The following PDGFB variants were observed in gnomAD, a reference collection of about 807,000 sequenced individuals.
PDGFB encodes the protein platelet derived growth factor subunit B.
Under a neutral mutation model 29.0 loss-of-function variants are expected in PDGFB, and 6 were observed. The observed-to-expected ratio is 0.21, with a 90% CI of 0.11 to 0.41. The LOEUF (loss-of-function observed/expected upper bound fraction) is 0.41, where lower values mean the gene tolerates loss of function less well. PDGFB is among the 10% of genes least tolerant of loss of function. PDGFB has a pLI of 1.00. For synonymous variants in PDGFB, 144 were observed against 140.8 expected (o/e 1.02, Z -0.16); for missense variants, 299 against 341.8 (o/e 0.87, Z 0.99).
chr22:39,235,232 G>T (rs1259507123), intron 2 of PDGFB, among the ~76,000 whole-genome samples: 1 of 152,192 alleles, frequency 6.6e-6, no homozygotes, highest in Admixed American at 6.5e-5. Context: ...CCAGAGGTTA[G>T]AATAGAATGG....
rs868868721 is a variant in PDGFB at position 39,242,099 on chromosome 22, T to C, written c.63+1802A>G. The C allele has an allele frequency of 5.3e-5, 12 of 228,010 alleles. No individual in the cohort carries two copies. The highest frequency in any genetic ancestry group is 8.7e-5 in the Non-Finnish European group (10 of 114,830). The allele number at this position is 228,010 out of a possible 1,614,324, so 14.1% of individuals were successfully genotyped here. A position where few individuals can be genotyped will look rare whatever the true frequency, so the allele number is the denominator to read the frequency against. ...GCGTGCCTGTGTACGTGCGTGGGTG[T>C]GCGCGCACGTGTGCTCAGGCCGCGC... On this transcript the variant is annotated intron_variant, in intron 1 of 6. Coordinates refer to ENST00000331163, the MANE Select transcript of PDGFB (RefSeq NM_002608.4). This position sits in a 1 kb window ranked among gnomAD's most constrained non-coding sequence, Gnocchi z 5.7.
intron 1 of PDGFB, chr22:39,241,071 C>T: frequency 1.6e-6 from 1 of 640,044 alleles, no homozygotes; most frequent in Non-Finnish European, 2.8e-6. Context: ...ATTAGCAAAG[C>T]CAGAGGAAGC....
At chr22:39,232,348 C>G (rs1932329866) in intron 3 of PDGFB, among the ~76,000 whole-genome samples, 1 of 152,194 alleles carries the variant, frequency 6.6e-6, no homozygotes, top group Non-Finnish European at 1.5e-5. Flanking sequence ...CCATGTGGAT[C>G]TAAGGTGTAA....
At chr22:39,241,524 A>C (rs1261563012) in intron 1 of PDGFB, among the ~76,000 whole-genome samples, 2 of 152,236 alleles carry the variant, frequency 1.3e-5, no homozygotes, top group African/African-American at 4.8e-5. Flanking sequence ...GACTAAAGTG[A>C]GGAGAAAGGC....
intron 2 of PDGFB, among the ~76,000 whole-genome samples, chr22:39,235,476 G>A (rs1321200235): frequency 5.9e-5 from 9 of 152,182 alleles, no homozygotes; most frequent in Non-Finnish European, 1.3e-4. Flanking sequence ...CCCACACCTG[G>A]AGACATACTC....
chr22:39,239,896 C>T (rs1932528654), intron 1 of PDGFB, among the ~76,000 whole-genome samples: 1 of 152,146 alleles, frequency 6.6e-6, no homozygotes, highest in Non-Finnish European at 1.5e-5. Context: ...CCTGCCATTC[C>T]CACCAAGGGA....
In PDGFB at chr22:39,243,737, A is replaced by AC; in HGVS notation, c.63+163dup. On this transcript the variant is annotated intron_variant, in intron 1 of 6. Coordinates refer to ENST00000331163, the MANE Select transcript of PDGFB (RefSeq NM_002608.4). This position sits in a 1 kb window ranked among gnomAD's most constrained non-coding sequence, Gnocchi z 6.4. ...CTGTTGCCTTCCCTTAGAGCCTGTCACCCCCGGACCTCGCTCCCAGCCCGA... is the reference window on the plus strand; with the variant it reads ...CTGTTGCCTTCCCTTAGAGCCTGTCACCCCCCGGACCTCGCTCCCAGCCCGA... 6.6e-6 allele frequency among the ~76,000 whole-genome samples: 1 copy of AC among 151,542 alleles called. No individual in the cohort carries two copies. The highest frequency in any genetic ancestry group is 2.1e-4 in the South Asian group (1 of 4,788).
At chr22:39,233,299 C>T (rs761106796) in intron 3 of PDGFB, 136 bp downstream of exon 3, 90 of 593,064 alleles carry the variant, frequency 1.5e-4, no homozygotes, top group Admixed American at 3.7e-4. Flanking sequence ...TCTCTCAGTT[C>T]GCTCAGTCCT....
chr22:39,240,791 G>A, intron 1 of PDGFB: 1 of 1,561,852 alleles, frequency 6.4e-7, no homozygotes, highest in South Asian at 1.1e-5. Flanking sequence ...AACATAGGAA[G>A]AGTTGTCACA....
intron 5 of PDGFB, among the ~76,000 whole-genome samples, chr22:39,226,121 C>T (rs1054594657): frequency 6.6e-6 from 1 of 152,166 alleles, no homozygotes; most frequent in African/African-American, 2.4e-5. Flanking sequence ...GAATAAATGA[C>T]AGTATGCTGG....
In PDGFB at chr22:39,242,690, C is replaced by G. The variant is rs1932596202; in HGVS notation, c.63+1211G>C. Among the ~76,000 whole-genome samples, 2 of 151,968 alleles carry G rather than the reference C, an allele frequency of 1.3e-5. No individual in the cohort carries two copies. The highest frequency in any genetic ancestry group is 2.9e-5 in the Non-Finnish European group (2 of 67,934). ...ACCTGCGCTGGCGGCAGCCCAAGGC[C>G]GGGCCGCGGCCTCCGAGCCCTCCGC... On this transcript the variant is annotated intron_variant, in intron 1 of 6. Transcript: ENST00000331163. This position sits in a 1 kb window ranked among gnomAD's most constrained non-coding sequence, Gnocchi z 5.7.
Position 39,243,274 on chromosome 22 carries a change from TTC to T in PDGFB, c.63+625_63+626del, listed in dbSNP as rs767228828. ...TCCGTCTCTCTCTCTCTCTCTCTCT[TTC>T]TCTCTCTCTCTCTCTCTCTCCCTGT... On this transcript the variant is annotated intron_variant, in intron 1 of 6. Transcript: ENST00000331163. The surrounding 1 kb of genome is among the most constrained non-coding windows in gnomAD (Gnocchi z 6.4). Among the ~76,000 whole-genome samples, 2,298 of 60,718 alleles carry T rather than the reference TTC, an allele frequency of 0.038. 68 individuals carry two copies. Among genetic ancestry groups the T allele is most frequent in the African/African-American group, 0.089 (2,194 of 24,754 alleles). 39.8% of individuals were successfully genotyped at this position (60,718 alleles called of 152,430 possible).
In PDGFB at chr22:39,231,949, A is replaced by C. The variant is rs2146439879; in HGVS notation, c.251-122T>G. ...CTCACGCCCTTCAACCCCAGGGTTC[A>C]GGTTTCAAGTCCTGGCTGTCATTAG... On this transcript the variant is annotated intron_variant, in intron 3 of 6. Coordinates refer to ENST00000331163, the MANE Select transcript of PDGFB (RefSeq NM_002608.4). This position sits in a 1 kb window ranked among gnomAD's most constrained non-coding sequence, Gnocchi z 4.3. 2.6e-6 allele frequency: 2 copies of C among 774,326 alleles called. No individual in the cohort carries two copies. The highest frequency in any genetic ancestry group is 3.6e-5 in the South Asian group (2 of 56,204). 48.0% of individuals were successfully genotyped at this position (774,326 alleles called of 1,614,324 possible).
chr22:39,231,892 G>A lies in PDGFB; in HGVS notation c.251-65C>T. On this transcript the variant is annotated intron_variant, in intron 3 of 6. Coordinates refer to ENST00000331163, the MANE Select transcript of PDGFB (RefSeq NM_002608.4). The surrounding 1 kb of genome is among the most constrained non-coding windows in gnomAD (Gnocchi z 4.3). ...TCCAGAGTCCCCCCACTTGGCAGGG[G>A]AGCTCAGCGGGTGCCTCCGGGACTG... is the stretch of plus-strand genomic sequence containing the variant. 1 of 1,421,878 alleles carries A rather than the reference G, an allele frequency of 7.0e-7. No individual in the cohort carries two copies. Among genetic ancestry groups the A allele is most frequent in the Non-Finnish European group, 9.7e-7 (1 of 1,035,534 alleles). The allele number at this position is 1,421,878 out of a possible 1,614,324, so 88.1% of individuals were successfully genotyped here.
chr22:39,236,224 C>T (rs548538060), intron 1 of PDGFB, among the ~76,000 whole-genome samples: 1 of 152,254 alleles, frequency 6.6e-6, no homozygotes. Flanking sequence ...ACACACCTGA[C>T]AGCTGAAGAC....
At position 39,224,893 on chromosome 22, in the gene PDGFB, TC is replaced by T. The variant is rs1932128362; in HGVS notation, c.*448del. ...GCAGCCTGGCCTGCCTGGAGGTGCC[TC>T]CCCTCAGAGCTGGCCAGGGGTTCAG... On this transcript the variant is annotated 3_prime_UTR_variant, in exon 7 of 7. Coordinates refer to ENST00000331163, the MANE Select transcript of PDGFB (RefSeq NM_002608.4). 6.6e-6 allele frequency: 1 copy of T among 152,350 alleles called. No homozygotes were observed. 9.4% of individuals were successfully genotyped at this position (152,350 alleles called of 1,614,324 possible).
chr22:39,228,047 A>G (rs9611116), intron 5 of PDGFB, among the ~76,000 whole-genome samples: 56,529 of 151,980 alleles, frequency 0.37, 11,065 homozygotes, highest in Middle Eastern at 0.49. Context: ...GTCACCACAC[A>G]GCTCAAGTGA....
intron 1 of PDGFB, among the ~76,000 whole-genome samples, chr22:39,239,416 G>A (rs901846473): frequency 2.0e-5 from 3 of 152,036 alleles, no homozygotes; most frequent in Non-Finnish European, 4.4e-5. Context: ...GGGTGAGGGT[G>A]GGGGGACACT....
intron 1 of PDGFB, among the ~76,000 whole-genome samples, chr22:39,237,782 G>A (rs1932480930): frequency 6.6e-6 from 1 of 152,214 alleles, no homozygotes; most frequent in African/African-American, 2.4e-5. Context: ...GTGTGACCTC[G>A]GCTGGTCACT....
Sources: allele counts gnomAD v4.1 joint callset (sites outside exome capture counted in the v4.1 genomes callset), GRCh38; gene constraint gnomAD v4.1.1; non-coding constraint Gnocchi (gnomAD v3.1); transcripts MANE v1.5; gene names NCBI Gene and HGNC (gene_info 2026-07-23, HGNC 2026-07-21).